PPM1H: variants seen among roughly 807,000 people sequenced by gnomAD.
PPM1H encodes protein phosphatase, Mg2+/Mn2+ dependent 1H.
In PPM1H, 27 loss-of-function variants were observed where a neutral mutation model predicts 54.9. The ratio of observed to expected loss-of-function variants is 0.49; its 90% CI spans 0.36 to 0.68. PPM1H has a LOEUF of 0.68. Ranked by LOEUF, PPM1H falls within the 30% of genes least tolerant of loss-of-function variation. The probability of loss-of-function intolerance (pLI) is 0.00; values close to 1 mark genes in which losing one functional copy is unlikely to be tolerated. For missense variants in PPM1H, 596 were observed against 667.8 expected (o/e 0.89, Z 1.19); for synonymous variants, 305 against 270.8 (o/e 1.13, Z -1.24).
At chr12:62,907,293 T>C (rs1326480392) in intron 1 of PPM1H, among the ~76,000 whole-genome samples, 1 of 152,194 alleles carries the variant, frequency 6.6e-6, no homozygotes, top group Non-Finnish European at 1.5e-5. Flanking sequence ...CCATGATCAT[T>C]ACATTTCATC....
At chr12:62,686,933 T>C (rs7958459) in intron 8 of PPM1H, among the ~76,000 whole-genome samples, 1 of 152,184 alleles carries the variant, frequency 6.6e-6, no homozygotes, top group Non-Finnish European at 1.5e-5. Flanking sequence ...TCTAGGTGAC[T>C]GTTTGTGCCC....
At chr12:62,739,008 G>A (rs966240071) in intron 4 of PPM1H, among the ~76,000 whole-genome samples, 6 of 151,614 alleles carry the variant, frequency 4.0e-5, no homozygotes, top group East Asian at 1.9e-4. Context: ...GCGGAGGGGC[G>A]GGCAGCGCAT....
intron 8 of PPM1H, among the ~76,000 whole-genome samples, chr12:62,681,032 A>G (rs779673253): frequency 2.0e-5 from 3 of 152,194 alleles, no homozygotes; most frequent in Non-Finnish European, 2.9e-5. Context: ...GAGAGCCCAC[A>G]GCTATTCCAT....
At chr12:62,686,346 G>A (rs1592542718) in intron 8 of PPM1H, among the ~76,000 whole-genome samples, 2 of 152,224 alleles carry the variant, frequency 1.3e-5, no homozygotes, top group South Asian at 4.1e-4. Context: ...GGTGGAGAAG[G>A]AGGTTTTTAC....
chr12:62,888,072 G>C (rs1565820432), intron 1 of PPM1H, among the ~76,000 whole-genome samples: 1 of 152,154 alleles, frequency 6.6e-6, no homozygotes, highest in Non-Finnish European at 1.5e-5. Context: ...AAGCAGTTAG[G>C]AGTCCAGAAG....
rs1391968940 is a variant in PPM1H at position 62,648,177 on chromosome 12, T to C, written c.*312A>G. On this transcript the variant is annotated 3_prime_UTR_variant, in exon 10 of 10. Transcript: ENST00000228705. ...CTGAAAATGGCTGCCCCAGCTACTC[T>C]AGATAAAATAAATATGACATATATA... is the stretch of plus-strand genomic sequence containing the variant. The C allele has an allele frequency of 4.5e-6, 1 of 222,066 alleles. No homozygotes were observed. The highest frequency in any genetic ancestry group is 2.2e-5 in the African/African-American group (1 of 45,278). 13.8% of individuals were successfully genotyped at this position (222,066 alleles called of 1,614,324 possible).
chr12:62,786,359 G>A (rs914198580), intron 4 of PPM1H, among the ~76,000 whole-genome samples: 2 of 152,228 alleles, frequency 1.3e-5, no homozygotes, highest in Non-Finnish European at 2.9e-5. Context: ...TAGCAGATGT[G>A]CTGGTTCTTT....
chr12:62,880,565 C>G (rs572697629), intron 1 of PPM1H, among the ~76,000 whole-genome samples: 8 of 152,130 alleles, frequency 5.3e-5, no homozygotes. Context: ...CGTGATTACC[C>G]TCCATCAGCA....
intron 8 of PPM1H, among the ~76,000 whole-genome samples, chr12:62,671,461 G>A (rs563171849): frequency 2.6e-5 from 4 of 152,266 alleles, no homozygotes; most frequent in South Asian, 4.1e-4. Flanking sequence ...CCTTCAGTAC[G>A]CTTTTATTGC....
intron 1 of PPM1H, among the ~76,000 whole-genome samples, chr12:62,856,046 TG>T (rs1869373687): frequency 6.6e-6 from 1 of 152,218 alleles, no homozygotes; most frequent in African/African-American, 2.4e-5. Flanking sequence ...GCACTATTCT[TG>T]GCTCTGTGCA....
intron 1 of PPM1H, among the ~76,000 whole-genome samples, chr12:62,919,217 C>A (rs1363974233): frequency 6.6e-6 from 1 of 152,196 alleles, no homozygotes; most frequent in African/African-American, 2.4e-5. Context: ...AGAAAGAGGA[C>A]ATCAGGGACG....
At chr12:62,838,341 G>T (rs373499177) in intron 1 of PPM1H, among the ~76,000 whole-genome samples, 65 of 135,754 alleles carry the variant, frequency 4.8e-4, no homozygotes, top group African/African-American at 1.9e-3. Context: ...GTGTGTGTGG[G>T]GGGGGGGAGA....
At chr12:62,897,941 C>CTTT (rs1871046002) in intron 1 of PPM1H, among the ~76,000 whole-genome samples, 2 of 152,034 alleles carry the variant, frequency 1.3e-5, no homozygotes, top group African/African-American at 4.8e-5. Context: ...TGCAGAGATG[C>CTTT]AGAAAGAAAC....
At position 62,766,714 on chromosome 12, in the gene PPM1H, A is replaced by G. The variant is rs535844459; in HGVS notation, c.869+21512T>C. ...GGTCCTTCAGTGAATGCCACAGCAC[A>G]TTTCACACAGCTGTTTCTTGCAATC... On this transcript the variant is annotated intron_variant, in intron 4 of 9. Transcript: ENST00000228705. Among the ~76,000 whole-genome samples, 20 of 152,352 alleles carry G rather than the reference A, an allele frequency of 1.3e-4. No homozygotes were observed. The South Asian group carries it at 3.9e-3, about 30-fold the overall frequency.
At chr12:62,740,377 C>T (rs549585933) in intron 4 of PPM1H, among the ~76,000 whole-genome samples, 1 of 152,188 alleles carries the variant, frequency 6.6e-6, no homozygotes, top group Non-Finnish European at 1.5e-5. Context: ...ACCAGGGATA[C>T]AACTTCTTCT....
chr12:62,760,186 A>T (rs568511280), intron 4 of PPM1H, among the ~76,000 whole-genome samples: 1 of 152,294 alleles, frequency 6.6e-6, no homozygotes, highest in East Asian at 1.9e-4. Flanking sequence ...GTTTTACAAG[A>T]TCTAGATAAT....
chr12:62,699,680 T>C (rs1250278023), intron 6 of PPM1H, among the ~76,000 whole-genome samples: 2 of 152,332 alleles, frequency 1.3e-5, no homozygotes, highest in South Asian at 4.1e-4. Context: ...TCCTCATGGA[T>C]TTCAACTCTC....
At chr12:62,830,807 T>A (rs1868345808) in intron 2 of PPM1H, among the ~76,000 whole-genome samples, 1 of 152,164 alleles carries the variant, frequency 6.6e-6, no homozygotes, top group Non-Finnish European at 1.5e-5. Flanking sequence ...ACAAAATAAA[T>A]CAATACTTAT....
At chr12:62,890,631 G>A (rs1870750945) in intron 1 of PPM1H, among the ~76,000 whole-genome samples, 2 of 151,430 alleles carry the variant, frequency 1.3e-5, no homozygotes, top group Admixed American at 6.6e-5. Context: ...AAAACATCAC[G>A]TTATTTTGAA....
Sources: gnomAD v4.1 joint callset for allele counts (sites outside exome capture counted in the v4.1 genomes callset) on GRCh38, gnomAD v4.1.1 for gene constraint, MANE v1.5 for transcripts, NCBI Gene and HGNC (gene_info 2026-07-23, HGNC 2026-07-21) for gene names.